CENPW: variants seen among roughly 807,000 people sequenced by gnomAD.
CENPW encodes the protein centromere protein W, also known as cancer-up-regulated gene 2 protein.
In CENPW, 3 loss-of-function variants were observed where a neutral mutation model predicts 11.1. The observed-to-expected ratio is 0.27, with a 90% CI of 0.12 to 0.70. The LOEUF (loss-of-function observed/expected upper bound fraction) is 0.70. CENPW is among the 30% of genes least tolerant of loss of function. CENPW has a pLI of 0.77. For missense variants in CENPW, 100 were observed against 105.6 expected (o/e 0.95, Z 0.23); for synonymous variants, 38 against 42.0 (o/e 0.91, Z 0.37).
At chr6:126,433,406 A>G in the CENPW span, among the ~76,000 whole-genome samples, 1 of 152,332 alleles carries the variant, frequency 6.6e-6, no homozygotes, top group African/African-American at 2.4e-5. Context: ...AAACCCAGTG[A>G]CTGTGTAAGA....
At chr6:126,444,175 A>T in the CENPW span, among the ~76,000 whole-genome samples, 1 of 143,052 alleles carries the variant, frequency 7.0e-6, no homozygotes, top group African/African-American at 2.6e-5. Context: ...TCTTCTGGTT[A>T]TTTTTTTTCT....
At chr6:126,401,779 A>G in the CENPW span, among the ~76,000 whole-genome samples, 19 of 152,114 alleles carry the variant, frequency 1.2e-4, no homozygotes, top group South Asian at 3.5e-3. Context: ...ATCCCTCACT[A>G]TGTCCTGTTT....
At chr6:126,380,532 G>A in the CENPW span, among the ~76,000 whole-genome samples, 1 of 152,216 alleles carries the variant, frequency 6.6e-6, no homozygotes, top group African/African-American at 2.4e-5. Flanking sequence ...TGGAAAGGCT[G>A]ATGAGAGGTT....
At chr6:126,400,519 T>G in the CENPW span, among the ~76,000 whole-genome samples, 3 of 152,080 alleles carry the variant, frequency 2.0e-5, no homozygotes, top group African/African-American at 7.2e-5. Context: ...TGACATCACA[T>G]TTTTGGTATT....
At chr6:126,385,175 A>C in the CENPW span, among the ~76,000 whole-genome samples, 7 of 152,192 alleles carry the variant, frequency 4.6e-5, no homozygotes, top group Non-Finnish European at 1.0e-4. Context: ...AAATTAGTTT[A>C]ACCATTGTGG....
chr6:126,453,037 C>T, the CENPW span, among the ~76,000 whole-genome samples: 1 of 151,056 alleles, frequency 6.6e-6, no homozygotes, highest in South Asian at 2.1e-4. Flanking sequence ...CTTTATTCAG[C>T]AAAAACTTCC....
the CENPW span, among the ~76,000 whole-genome samples, chr6:126,369,321 T>C: frequency 2.0e-5 from 3 of 152,354 alleles, no homozygotes; most frequent in South Asian, 4.1e-4. Context: ...CTGGATCAAA[T>C]GGTAGTTCTA....
the CENPW span, among the ~76,000 whole-genome samples, chr6:126,458,524 A>G: frequency 2.0e-5 from 3 of 151,238 alleles, no homozygotes; most frequent in Non-Finnish European, 3.0e-5. Flanking sequence ...TTTTTCTACC[A>G]GCCTGTTACC....
chr6:126,406,596 G>T, the CENPW span, among the ~76,000 whole-genome samples: 1 of 152,150 alleles, frequency 6.6e-6, no homozygotes, highest in Admixed American at 6.6e-5. Context: ...GCTCATGCCT[G>T]TAATCCCATC....
the CENPW span, among the ~76,000 whole-genome samples, chr6:126,416,767 C>G: frequency 6.4e-3 from 980 of 152,258 alleles, 13 homozygotes; most frequent in African/African-American, 0.023. Context: ...GGAACCTTCA[C>G]CTAGATTTCA....
the CENPW span, among the ~76,000 whole-genome samples, chr6:126,354,955 C>A: frequency 6.6e-6 from 1 of 152,032 alleles, no homozygotes; most frequent in Non-Finnish European, 1.5e-5. Context: ...CAGTTGGTCA[C>A]TGTATTTCCA....
downstream of CENPW, among the ~76,000 whole-genome samples, chr6:126,353,281 G>A (rs1422241805): frequency 6.9e-6 from 1 of 144,156 alleles, no homozygotes; most frequent in Non-Finnish European, 1.5e-5. Context: ...TGTAGTAACT[G>A]TTTCTTGGTA....
chr6:126,405,904 T>C, the CENPW span, among the ~76,000 whole-genome samples: 1 of 152,080 alleles, frequency 6.6e-6, no homozygotes, highest in Non-Finnish European at 1.5e-5. Flanking sequence ...GGGGGGTCTT[T>C]AGATTTTTCC....
the CENPW span, among the ~76,000 whole-genome samples, chr6:126,420,801 A>T: frequency 2.0e-5 from 3 of 152,204 alleles, no homozygotes; most frequent in Non-Finnish European, 4.4e-5. Context: ...AGAAAATTGC[A>T]TTAAAGTAGG....
chr6:126,448,728 T>C, the CENPW span, among the ~76,000 whole-genome samples: 1 of 150,980 alleles, frequency 6.6e-6, no homozygotes, highest in African/African-American at 2.4e-5. Context: ...ATAGGTTTTT[T>C]ACCATGACAT....
chr6:126,400,483 T>TCATATATCATATATACATACAACATC, the CENPW span, among the ~76,000 whole-genome samples: 11 of 152,054 alleles, frequency 7.2e-5, no homozygotes, highest in Admixed American at 6.6e-5. Context: ...TCTGTGTTTC[T>TCATATATCATATATACATACAACATC]TGTTGTTGTT....
the CENPW span, among the ~76,000 whole-genome samples, chr6:126,414,951 G>A: frequency 1.3e-5 from 2 of 151,874 alleles, no homozygotes; most frequent in Admixed American, 6.6e-5. Flanking sequence ...GATCATTAGC[G>A]ATGGCTATGA....
chr6:126,380,241 G>T, the CENPW span, among the ~76,000 whole-genome samples: 1 of 152,114 alleles, frequency 6.6e-6, no homozygotes, highest in South Asian at 2.1e-4. Context: ...TAGATTAACT[G>T]ACTTGCTTTC....
chr6:126,419,698 T>C, the CENPW span, among the ~76,000 whole-genome samples: 276 of 152,320 alleles, frequency 1.8e-3, 1 homozygote, highest in African/African-American at 6.2e-3. Context: ...CTGTGCTTCC[T>C]CTGCATCTAG....
Sources: gnomAD v4.1 joint callset for allele counts (sites outside exome capture counted in the v4.1 genomes callset) on GRCh38, gnomAD v4.1.1 for gene constraint, MANE v1.5 for transcripts, NCBI Gene and HGNC (gene_info 2026-07-23, HGNC 2026-07-21) for gene names.